GPR39: variants seen among roughly 807,000 people sequenced by gnomAD.
The protein encoded by GPR39 is G protein-coupled receptor 39.
Under a neutral mutation model 18.4 loss-of-function variants are expected in GPR39, and 23 were observed. The ratio of observed to expected loss-of-function variants is 1.25; its 90% CI spans 0.90 to 1.77. The LOEUF (loss-of-function observed/expected upper bound fraction) is 1.77, where lower values mean the gene tolerates loss of function less well. Ranked by LOEUF, GPR39 falls within the 40% of genes most tolerant of loss-of-function variation. GPR39 has a pLI of 0.00. For missense variants in GPR39, 647 were observed against 602.4 expected (o/e 1.07, Z -0.78); for synonymous variants, 280 against 257.9 (o/e 1.09, Z -0.82).
chr2:132,440,219 T>A (rs1339437474), intron 1 of GPR39, among the ~76,000 whole-genome samples: 3 of 152,148 alleles, frequency 2.0e-5, no homozygotes, highest in Non-Finnish European at 4.4e-5. Flanking sequence ...CTGATAGAAA[T>A]GTTGAACAAA....
At chr2:132,484,418 G>C (rs544008949) in intron 1 of GPR39, among the ~76,000 whole-genome samples, 1 of 152,276 alleles carries the variant, frequency 6.6e-6, no homozygotes, top group Middle Eastern at 3.4e-3. Context: ...AACCTAATAG[G>C]CCACAATGGG....
intron 1 of GPR39, among the ~76,000 whole-genome samples, chr2:132,543,009 G>A (rs1679887771): frequency 6.6e-6 from 1 of 152,162 alleles, no homozygotes; most frequent in African/African-American, 2.4e-5. Flanking sequence ...AACCCAGTAT[G>A]GGGGTGGGTG....
intron 1 of GPR39, among the ~76,000 whole-genome samples, chr2:132,439,284 G>A (rs920060588): frequency 6.6e-6 from 1 of 152,118 alleles, no homozygotes; most frequent in African/African-American, 2.4e-5. Context: ...TTATTTTTTT[G>A]TGGTAACAGT....
At chr2:132,635,104 C>A (rs1681725926) in intron 1 of GPR39, among the ~76,000 whole-genome samples, 1 of 152,172 alleles carries the variant, frequency 6.6e-6, no homozygotes, top group African/African-American at 2.4e-5. Flanking sequence ...CTTTCTTTTT[C>A]TTCCTCTAAG....
At chr2:132,637,018 T>G (rs1305371181) in intron 1 of GPR39, among the ~76,000 whole-genome samples, 2 of 152,198 alleles carry the variant, frequency 1.3e-5, no homozygotes, top group African/African-American at 4.8e-5. Context: ...ATTTTAGGAC[T>G]TACTATCAGT....
chr2:132,585,481 T>G (rs1009829189), intron 1 of GPR39, among the ~76,000 whole-genome samples: 13 of 152,208 alleles, frequency 8.5e-5, no homozygotes, highest in Admixed American at 6.5e-5. Context: ...GCTTCTCCCG[T>G]GACTGATGTG....
rs745660068 is a variant in GPR39 at position 132,417,067 on chromosome 2, A to T, written c.25A>T (p.Ser9Cys). The change falls in exon 1 of 2, where the codon AGT (serine) becomes TGT (cysteine). Residue 9 changes from serine (S) to cysteine (C), a missense_variant. Transcript: ENST00000329321. Reference sequence around the variant, plus strand: ...CATGGCTTCACCCAGCCTCCCGGGCAGTGACTGCTCCCAAATCATTGATCA... The same window carrying T: ...CATGGCTTCACCCAGCCTCCCGGGCTGTGACTGCTCCCAAATCATTGATCA... MASPSLPG[S>C]DCSQIIDHSH... The T allele has an allele frequency of 2.5e-6, 4 of 1,614,068 alleles. No individual in the cohort carries two copies. In the Admixed American group the frequency reaches 6.7e-5, roughly 27 times the overall value.
intron 1 of GPR39, among the ~76,000 whole-genome samples, chr2:132,420,243 A>G (rs1679985519): frequency 6.6e-6 from 1 of 152,104 alleles, no homozygotes; most frequent in Non-Finnish European, 1.5e-5. Flanking sequence ...TATTTAGCCC[A>G]TTTTCTCTGC....
intron 1 of GPR39, among the ~76,000 whole-genome samples, chr2:132,564,615 G>A (rs535610051): frequency 6.6e-6 from 1 of 151,998 alleles, no homozygotes; most frequent in African/African-American, 2.4e-5. Context: ...TGCCAGGTGG[G>A]CCAGTACCTG....
intron 1 of GPR39, among the ~76,000 whole-genome samples, chr2:132,624,912 A>G (rs1162805424): frequency 2.0e-5 from 3 of 152,150 alleles, no homozygotes; most frequent in Non-Finnish European, 4.4e-5. Context: ...TTAGGTGGAC[A>G]TATTTTACCC....
rs1679939684 is a variant in GPR39, at chr2:132,417,854, G to A, written c.812G>A (p.Ser271Asn). Residue 271 changes from serine (S) to asparagine (N), a missense_variant, in exon 1 of 2, where the codon AGC (serine) becomes AAC (asparagine). Transcript: ENST00000329321. Reference protein sequence around the residue: ...TRPPQLRKSESEESRTARRQT... With the variant: ...TRPPQLRKSENEESRTARRQT... Reference sequence around the variant, plus strand: ...CCTCCGCAGCTGAGGAAGTCCGAGAGCGAAGAGAGCAGGACCGCCAGGAGG... The same window carrying A: ...CCTCCGCAGCTGAGGAAGTCCGAGAACGAAGAGAGCAGGACCGCCAGGAGG... 1 of 1,610,296 alleles carries A rather than the reference G, an allele frequency of 6.2e-7. No individual in the cohort carries two copies. The highest frequency in any genetic ancestry group is 8.5e-7 in the Non-Finnish European group (1 of 1,179,624).
At chr2:132,443,622 T>C (rs1051767179) in intron 1 of GPR39, among the ~76,000 whole-genome samples, 2 of 152,222 alleles carry the variant, frequency 1.3e-5, no homozygotes, top group Non-Finnish European at 1.5e-5. Context: ...TTATTTTCAA[T>C]GTATGATGAA....
chr2:132,566,531 C>G (rs1343159029), intron 1 of GPR39, among the ~76,000 whole-genome samples: 2 of 152,216 alleles, frequency 1.3e-5, no homozygotes, highest in Non-Finnish European at 2.9e-5. Flanking sequence ...CCTTTCATCT[C>G]TCTAGGAGTT....
At chr2:132,495,010 G>A (rs1011016670) in intron 1 of GPR39, among the ~76,000 whole-genome samples, 1 of 152,158 alleles carries the variant, frequency 6.6e-6, no homozygotes. Context: ...GTGGGGATGT[G>A]ATCCCCAGCC....
rs551114773 is a variant in GPR39 at position 132,611,392 on chromosome 2, A to T, written c.857-33709A>T. Among the ~76,000 whole-genome samples, 190 of 152,296 alleles carry T rather than the reference A, an allele frequency of 1.2e-3. 1 individual carries two copies. Among genetic ancestry groups the T allele is most frequent in the African/African-American group, 4.4e-3 (184 of 41,556 alleles). The stretch of plus-strand genomic sequence containing the variant: ...TAACTTAGGTAAAGCACTCTTTCTC[A>T]CTGCCGTCCTTTAGAGGTCATCTAT... On this transcript the variant is annotated intron_variant, in intron 1 of 1. Coordinates refer to ENST00000329321, the MANE Select transcript of GPR39 (RefSeq NM_001508.3).
intron 1 of GPR39, among the ~76,000 whole-genome samples, chr2:132,605,131 G>A (rs777917964): frequency 5.9e-5 from 9 of 152,182 alleles, no homozygotes; most frequent in Non-Finnish European, 1.2e-4. Flanking sequence ...TGGTAGAGCT[G>A]GGACATGACC....
intron 1 of GPR39, among the ~76,000 whole-genome samples, chr2:132,552,885 TACACACATATATATATAC>T (rs1473218714): frequency 9.9e-6 from 1 of 101,406 alleles, no homozygotes; most frequent in African/African-American, 4.6e-5. Flanking sequence ...CATATATATA[TACACACATATATATATAC>T]ACACACATAT....
chr2:132,502,640 C>G (rs544271533), intron 1 of GPR39, among the ~76,000 whole-genome samples: 1 of 152,252 alleles, frequency 6.6e-6, no homozygotes, highest in Admixed American at 6.5e-5. Flanking sequence ...GGAAGTTTTT[C>G]TCAATTATTC....
At chr2:132,498,827 A>AC (rs1322453063) in intron 1 of GPR39, among the ~76,000 whole-genome samples, 3 of 152,116 alleles carry the variant, frequency 2.0e-5, no homozygotes, top group Non-Finnish European at 4.4e-5. Context: ...GATGCTGAGC[A>AC]TTTTTCCACA....
Sources: allele counts gnomAD v4.1 joint callset (sites outside exome capture counted in the v4.1 genomes callset), GRCh38; gene constraint gnomAD v4.1.1; transcripts MANE v1.5; gene names NCBI Gene and HGNC (gene_info 2026-07-23, HGNC 2026-07-21).